CNBD1: variants seen among roughly 807,000 people sequenced by gnomAD.
CNBD1 encodes the protein cyclic nucleotide-binding domain-containing protein 1.
In CNBD1, 71 loss-of-function variants were observed where a neutral mutation model predicts 54.4. That is an observed-to-expected ratio of 1.30 (90% confidence interval 1.08 to 1.59). The LOEUF is 1.59. CNBD1 is among the 40% of genes most tolerant of loss of function. The probability of loss-of-function intolerance (pLI) is 0.00; values close to 1 mark genes in which losing one functional copy is unlikely to be tolerated. For synonymous variants in CNBD1, 182 were observed against 170.7 expected (o/e 1.07, Z -0.51); for missense variants, 659 against 518.0 (o/e 1.27, Z -2.64).
intron 4 of CNBD1, among the ~76,000 whole-genome samples, chr8:87,046,937 G>A (rs1279502552): frequency 9.2e-5 from 14 of 152,134 alleles, no homozygotes; most frequent in South Asian, 4.1e-4. Flanking sequence ...GGAAAGGACC[G>A]TGTGTTATTT....
chr8:87,125,476 T>A (rs1234399166), intron 4 of CNBD1, among the ~76,000 whole-genome samples: 3 of 151,822 alleles, frequency 2.0e-5, no homozygotes. Context: ...AATATGCCCA[T>A]GCATTTATAG....
intron 10 of CNBD1, among the ~76,000 whole-genome samples, chr8:87,374,947 AAATGCAAG>A (rs773787084): frequency 1.9e-4 from 28 of 150,078 alleles, no homozygotes; most frequent in Non-Finnish European, 2.7e-4. Context: ...CAACTGGCAA[AAATGCAAG>A]GTTTTCTGAG....
At chr8:86,954,747 G>T (rs919124061) in intron 4 of CNBD1, among the ~76,000 whole-genome samples, 2 of 152,168 alleles carry the variant, frequency 1.3e-5, no homozygotes, top group African/African-American at 2.4e-5. Context: ...ATGCAGATAA[G>T]GTCTGACTAT....
intron 4 of CNBD1, among the ~76,000 whole-genome samples, chr8:87,158,618 C>T (rs1812792738): frequency 6.6e-6 from 1 of 152,088 alleles, no homozygotes; most frequent in African/African-American, 2.4e-5. Context: ...CAACTTTATG[C>T]AGTAGATACC....
chr8:87,116,148 TTGTC>T (rs1244151725), intron 4 of CNBD1, among the ~76,000 whole-genome samples: 1 of 151,944 alleles, frequency 6.6e-6, no homozygotes, highest in Non-Finnish European at 1.5e-5. Context: ...CTTCTCTTCT[TTGTC>T]TGTCTGTCTA....
chr8:87,108,029 A>G (rs573419033), intron 4 of CNBD1, among the ~76,000 whole-genome samples: 1 of 152,358 alleles, frequency 6.6e-6, no homozygotes, highest in South Asian at 2.1e-4. Flanking sequence ...AGTATTATAT[A>G]GTACTCATAA....
intron 4 of CNBD1, among the ~76,000 whole-genome samples, chr8:86,951,356 A>G (rs779557993): frequency 6.6e-6 from 1 of 151,924 alleles, no homozygotes; most frequent in African/African-American, 2.4e-5. Context: ...TGGGAGGCCG[A>G]GGCAGGCAGA....
intron 4 of CNBD1, among the ~76,000 whole-genome samples, chr8:87,143,100 C>T (rs1812405588): frequency 6.6e-6 from 1 of 152,046 alleles, no homozygotes; most frequent in South Asian, 2.1e-4. Context: ...TTTTACTTGG[C>T]CTTTGCACCT....
chr8:87,265,596 C>G (rs763522828), intron 6 of CNBD1, among the ~76,000 whole-genome samples: 7 of 152,060 alleles, frequency 4.6e-5, no homozygotes, highest in Non-Finnish European at 1.0e-4. Context: ...GGGACTTGAT[C>G]AAATGAATGA....
intron 10 of CNBD1, among the ~76,000 whole-genome samples, chr8:87,369,253 C>T (rs145557556): frequency 2.0e-5 from 3 of 151,934 alleles, no homozygotes; most frequent in Non-Finnish European, 2.9e-5. Context: ...CTAAGAAGCC[C>T]TGAACTCAAG....
intron 8 of CNBD1, among the ~76,000 whole-genome samples, chr8:87,287,505 G>T (rs1458994530): frequency 2.0e-5 from 3 of 152,150 alleles, no homozygotes; most frequent in Non-Finnish European, 2.9e-5. Context: ...CCCCAAGTCT[G>T]CAAAGCCACA....
chr8:87,230,736 G>T (rs1271169367), intron 5 of CNBD1, among the ~76,000 whole-genome samples: 1 of 152,062 alleles, frequency 6.6e-6, no homozygotes, highest in African/African-American at 2.4e-5. Context: ...GGCATGTTTG[G>T]TATATATGAA....
At chr8:87,374,812 G>GAA in intron 10 of CNBD1, among the ~76,000 whole-genome samples, 1 of 150,160 alleles carries the variant, frequency 6.7e-6, no homozygotes, top group African/African-American at 2.5e-5. Context: ...GAATTGCTCA[G>GAA]AAAAATAGCT....
intron 3 of CNBD1, among the ~76,000 whole-genome samples, chr8:86,935,685 T>A (rs1203470089): frequency 1.3e-5 from 2 of 152,178 alleles, no homozygotes; most frequent in Non-Finnish European, 2.9e-5. Flanking sequence ...TTTGCAAGAT[T>A]ATTAGATTTC....
chr8:87,343,396 A>G (rs1434507303), intron 8 of CNBD1, among the ~76,000 whole-genome samples: 2 of 152,228 alleles, frequency 1.3e-5, no homozygotes, highest in East Asian at 3.8e-4. Context: ...GATTAAAGAC[A>G]GGCGTAAGAA....
At chr8:87,338,021 T>C (rs1184908031) in intron 8 of CNBD1, among the ~76,000 whole-genome samples, 1 of 152,176 alleles carries the variant, frequency 6.6e-6, no homozygotes, top group Non-Finnish European at 1.5e-5. Flanking sequence ...TTTTATATGA[T>C]TTAATTTTTT....
At chr8:87,277,392 A>C (rs1808506596) in intron 6 of CNBD1, among the ~76,000 whole-genome samples, 1 of 151,744 alleles carries the variant, frequency 6.6e-6, no homozygotes, top group African/African-American at 2.4e-5. Context: ...GTTAATCTTT[A>C]CCAATTTAAA....
At chr8:87,287,592 G>C (rs1479825099) in intron 8 of CNBD1, among the ~76,000 whole-genome samples, 4 of 152,132 alleles carry the variant, frequency 2.6e-5, no homozygotes. Flanking sequence ...GTAAATTCTA[G>C]ACAGCTACTA....
At chr8:87,179,601 G>C (rs1813268546) in intron 4 of CNBD1, among the ~76,000 whole-genome samples, 1 of 152,174 alleles carries the variant, frequency 6.6e-6, no homozygotes, top group Admixed American at 6.5e-5. Flanking sequence ...ATCCAGGAAG[G>C]CATAGCAACA....
Sources: allele counts gnomAD v4.1 joint callset (sites outside exome capture counted in the v4.1 genomes callset), GRCh38; gene constraint gnomAD v4.1.1; transcripts MANE v1.5; gene names NCBI Gene and HGNC (gene_info 2026-07-23, HGNC 2026-07-21).